The following ATP13A3 variants were observed in gnomAD, a reference collection of about 807,000 sequenced individuals.
ATP13A3 encodes ATPase 13A3.
A neutral mutation model predicts 158.1 loss-of-function variants in ATP13A3; 59 were observed. That is an observed-to-expected ratio of 0.37 (90% CI 0.30 to 0.46). The LOEUF (loss-of-function observed/expected upper bound fraction) is 0.46. ATP13A3 is among the 20% of genes least tolerant of loss of function. The pLI is 1.00. For synonymous variants in ATP13A3, 491 were observed against 504.3 expected (o/e 0.97, Z 0.35); for missense variants, 1,166 against 1,525.2 (o/e 0.76, Z 3.92).
At chr3:194,421,539 C>A (rs1015850776) in intron 30 of ATP13A3, among the ~76,000 whole-genome samples, 44 of 124,472 alleles carry the variant, frequency 3.5e-4, no homozygotes, top group African/African-American at 1.1e-3. Context: ...GGTGACAGAG[C>A]GAGACTCCAT....
intron 8 of ATP13A3, 137 bp from the exon 9 acceptor site, chr3:194,454,529 T>C: frequency 9.7e-7 from 1 of 1,033,314 alleles, no homozygotes; most frequent in Non-Finnish European, 1.4e-6. Context: ...AAAATGTACT[T>C]CCCTAAAAAG....
At chr3:194,443,093 G>T (rs1216228986) in intron 15 of ATP13A3, among the ~76,000 whole-genome samples, 1 of 150,496 alleles carries the variant, frequency 6.6e-6, no homozygotes, top group Non-Finnish European at 1.5e-5. Flanking sequence ...AGTTACAGAA[G>T]ATGGCAATTT....
At chr3:194,445,053 T>C (rs969206474) in intron 14 of ATP13A3, among the ~76,000 whole-genome samples, 7 of 151,498 alleles carry the variant, frequency 4.6e-5, no homozygotes, top group African/African-American at 1.5e-4. Context: ...TACGTGCTTA[T>C]ACTATCAAAA....
chr3:194,467,668 C>T (rs1321737075), intron 2 of ATP13A3, among the ~76,000 whole-genome samples: 1 of 152,122 alleles, frequency 6.6e-6, no homozygotes, highest in Non-Finnish European at 1.5e-5. Flanking sequence ...ACAGCTCTTA[C>T]ATTTAGAACA....
intron 2 of ATP13A3, among the ~76,000 whole-genome samples, chr3:194,469,218 G>A (rs1030514169): frequency 6.6e-6 from 1 of 151,656 alleles, no homozygotes; most frequent in Admixed American, 6.6e-5. Context: ...AGCACTTTGA[G>A]AGGCCAAGGC....
At chr3:194,460,070 T>C in intron 4 of ATP13A3, 99 bp from the exon 5 acceptor site, 1 of 978,230 alleles carries the variant, frequency 1.0e-6, no homozygotes, top group Non-Finnish European at 1.5e-6. Context: ...TATTTCCTCA[T>C]CTCTAATTGA....
At chr3:194,452,017 T>C (rs1011069015) in intron 10 of ATP13A3, 1 of 152,292 alleles carries the variant, frequency 6.6e-6, no homozygotes, top group Non-Finnish European at 1.5e-5. Context: ...GCCAGAATGA[T>C]TTTTTTCCAA....
At chr3:194,492,982 G>A (rs747301583) in intron 2 of ATP13A3, among the ~76,000 whole-genome samples, 5 of 151,966 alleles carry the variant, frequency 3.3e-5, no homozygotes, top group South Asian at 2.1e-4. Flanking sequence ...CTTCTCACCC[G>A]GGCACAGTGG....
chr3:194,469,387 G>GAGGCGGAGGGTTGCA lies in ATP13A3; in HGVS notation c.-46-7166_-46-7152dup, dbSNP rs376429716. ...AGGCAGGAGAATTGCTTGAACCCAG[G>GAGGCGGAGGGTTGCA]AGGCGGAGGGTTGCAATGAGCAGAG... is the stretch of plus-strand genomic sequence containing the variant. On this transcript the variant is annotated intron_variant, in intron 2 of 33. Coordinates refer to ENST00000645319, the MANE Select transcript of ATP13A3 (RefSeq NM_001367549.1). Among the ~76,000 whole-genome samples, 330 of 152,204 alleles carry GAGGCGGAGGGTTGCA rather than the reference G, an allele frequency of 2.2e-3. 1 individual carries two copies. The highest frequency in any genetic ancestry group is 7.8e-3 in the African/African-American group (324 of 41,536).
At chr3:194,461,960 C>T (rs1719695300) in intron 3 of ATP13A3, among the ~76,000 whole-genome samples, 180 bp downstream of exon 3, 2 of 152,124 alleles carry the variant, frequency 1.3e-5, no homozygotes, top group Admixed American at 6.5e-5. Context: ...AAGAATTATA[C>T]TAAAAGCAAC....
At chr3:194,473,933 A>C (rs1026364553) in intron 2 of ATP13A3, among the ~76,000 whole-genome samples, 1 of 152,096 alleles carries the variant, frequency 6.6e-6, no homozygotes, top group African/African-American at 2.4e-5. Context: ...CAACCAAATA[A>C]CTCTGTGGAT....
intron 2 of ATP13A3, among the ~76,000 whole-genome samples, chr3:194,493,235 A>T (rs1435845307): frequency 1.3e-5 from 2 of 152,104 alleles, no homozygotes; most frequent in South Asian, 2.1e-4. Context: ...TAGACCCAGC[A>T]CTAGATGAAG....
chr3:194,448,596 A>G lies in ATP13A3; in HGVS notation c.1011T>C (p.Pro337=), dbSNP rs1400172844. The G allele has an allele frequency of 6.2e-7, 1 of 1,613,538 alleles. No homozygotes were observed. The highest frequency in any genetic ancestry group is 1.7e-5 in the Admixed American group (1 of 59,936). ...CTCCTATTCCTTTCACATCCACTGA[A>G]GGATTTGGCAAATTAGTCTTTGTCA... ...VPVTKTNLPN[P]SVDVKGIGDE... The change falls in exon 12 of 34, where the codon CCT becomes CCC. Residue 337 remains proline, a synonymous_variant. Transcript: ENST00000645319. This position sits in a 1 kb window ranked among gnomAD's most constrained non-coding sequence, Gnocchi z 4.0.
chr3:194,406,244 T>C (rs1714920196), intron 33 of ATP13A3, 128 bp from the exon 34 acceptor site: 1 of 983,852 alleles, frequency 1.0e-6, no homozygotes, highest in African/African-American at 1.7e-5. Flanking sequence ...GCACAACGAA[T>C]GGGGGAAAAA....
At chr3:194,425,278 T>C in intron 30 of ATP13A3, 64 bp downstream of exon 30, 3 of 1,388,022 alleles carry the variant, frequency 2.2e-6, no homozygotes, top group Non-Finnish European at 3.0e-6. Flanking sequence ...GTTATAATTA[T>C]TCTCTTCTAC....
At chr3:194,489,707 A>G (rs1307131822), upstream of ATP13A3, among the ~76,000 whole-genome samples, 2 of 152,230 alleles carry the variant, frequency 1.3e-5, no homozygotes, top group Non-Finnish European at 1.5e-5. The surrounding 1 kb of genome is among the most constrained non-coding windows in gnomAD (Gnocchi z 4.1). Context: ...AGGGAAAGCT[A>G]TAGGAAAAAG....
intron 2 of ATP13A3, 101 bp downstream of exon 2, chr3:194,485,693 T>C (rs1720938805): frequency 6.6e-6 from 1 of 152,208 alleles, no homozygotes; most frequent in Non-Finnish European, 1.5e-5. Context: ...TGTTTCTAGG[T>C]GTACGACTCC....
At chr3:194,415,320 G>C (rs1437153472) in intron 31 of ATP13A3, among the ~76,000 whole-genome samples, 1 of 152,232 alleles carries the variant, frequency 6.6e-6, no homozygotes, top group Non-Finnish European at 1.5e-5. Flanking sequence ...TGCCAGATTA[G>C]TTGACGAACG....
chr3:194,478,636 A>T (rs562344153), intron 2 of ATP13A3, among the ~76,000 whole-genome samples: 2 of 152,212 alleles, frequency 1.3e-5, no homozygotes, highest in Non-Finnish European at 2.9e-5. Flanking sequence ...GGATCAGATT[A>T]TAAGGAAGGG....
Sources: gnomAD v4.1 joint callset for allele counts (sites outside exome capture counted in the v4.1 genomes callset) on GRCh38, gnomAD v4.1.1 for gene constraint, Gnocchi (gnomAD v3.1) non-coding constraint, MANE v1.5 for transcripts, NCBI Gene and HGNC (gene_info 2026-07-23, HGNC 2026-07-21) for gene names.